SNX18: variants seen among roughly 807,000 people sequenced by gnomAD.
The protein encoded by SNX18 is sorting nexin-18.
In SNX18, 35 loss-of-function variants were observed where a neutral mutation model predicts 48.7. The ratio of observed to expected loss-of-function variants is 0.72; its 90% CI spans 0.55 to 0.95. The LOEUF (loss-of-function observed/expected upper bound fraction) is 0.95, where lower values mean the gene tolerates loss of function less well. Ranked by LOEUF, SNX18 falls within the 40% of genes least tolerant of loss-of-function variation. SNX18 has a pLI of 0.00. For synonymous variants in SNX18, 492 were observed against 384.7 expected (o/e 1.28, Z -3.26); for missense variants, 824 against 871.0 (o/e 0.95, Z 0.68).
chr5:54,565,800 A>T, the SNX18 span, among the ~76,000 whole-genome samples: 1 of 152,138 alleles, frequency 6.6e-6, no homozygotes, highest in African/African-American at 2.4e-5. Context: ...CGAGGGGTAA[A>T]TTTGTACTTT....
At position 54,518,667 on chromosome 5, in the gene SNX18, G is replaced by T. The variant is rs1308248292; in HGVS notation, c.715G>T (p.Gly239Cys). The T allele has an allele frequency of 6.4e-7, 1 of 1,561,004 alleles. No homozygotes were observed. Among genetic ancestry groups the T allele is most frequent in the Non-Finnish European group, 8.7e-7 (1 of 1,154,542 alleles). ...TCGCTTCTCCACCTTCGTCAAGTCCGGCGGGGAGGCCTTCGTGCTGGGGGA... is the reference window on the plus strand; with the variant it reads ...TCGCTTCTCCACCTTCGTCAAGTCCTGCGGGGAGGCCTTCGTGCTGGGGGA... ...LNRFSTFVKS[G>C]GEAFVLGEAS... The change falls in exon 1 of 2, where the codon GGC (glycine) becomes TGC (cysteine). Residue 239 changes from glycine (G) to cysteine (C), a missense_variant. This residue lies in a region of SNX18 where 4 missense variants were observed against 16.8 expected (regional missense o/e 0.24). Coordinates refer to ENST00000381410, the MANE Select transcript of SNX18 (RefSeq NM_001102575.2).
intron 1 of SNX18, among the ~76,000 whole-genome samples, chr5:54,536,361 C>T (rs1315582880): frequency 6.6e-6 from 1 of 151,792 alleles, no homozygotes. Flanking sequence ...CGTATATCTC[C>T]TAATGCTATC....
At chr5:54,574,535 T>C in the SNX18 span, among the ~76,000 whole-genome samples, 10 of 152,156 alleles carry the variant, frequency 6.6e-5, no homozygotes, top group African/African-American at 2.4e-4. Flanking sequence ...GGGGATTCTA[T>C]GCCCAGTTAA....
At chr5:54,577,442 G>A in the SNX18 span, among the ~76,000 whole-genome samples, 20 of 147,000 alleles carry the variant, frequency 1.4e-4, no homozygotes, top group Non-Finnish European at 2.8e-4. Flanking sequence ...ACAAATTAAA[G>A]CCAGGTCAGG....
At chr5:54,633,066 C>T in the SNX18 span, among the ~76,000 whole-genome samples, 14 of 152,012 alleles carry the variant, frequency 9.2e-5, no homozygotes, top group African/African-American at 2.4e-4. Context: ...CCACTGCGCC[C>T]GGCCCAGGGT....
At chr5:54,600,766 G>A in the SNX18 span, among the ~76,000 whole-genome samples, 2 of 152,152 alleles carry the variant, frequency 1.3e-5, no homozygotes, top group Non-Finnish European at 2.9e-5. Context: ...TTATAACTGG[G>A]AGCTGAACAA....
At chr5:54,633,534 T>C in the SNX18 span, among the ~76,000 whole-genome samples, 1 of 152,188 alleles carries the variant, frequency 6.6e-6, no homozygotes, top group East Asian at 1.9e-4. Flanking sequence ...AACAAGCTGA[T>C]ATTAGTAGCT....
chr5:54,626,448 A>C, the SNX18 span, among the ~76,000 whole-genome samples: 1 of 152,182 alleles, frequency 6.6e-6, no homozygotes, highest in Non-Finnish European at 1.5e-5. Context: ...GAGCCACTGC[A>C]CACAGCAAAG....
Position 54,517,918 on chromosome 5 carries a change from CG to C in SNX18, c.-32del. On this transcript the variant is annotated 5_prime_UTR_variant, in exon 1 of 2. Transcript: ENST00000381410. ...TCAGGTGGGCCTCGGCTCGGGACGC[CG>C]GGAGTCGGGACCGCCAGTCGGGGCG... 1 of 1,479,470 alleles carries C rather than the reference CG, an allele frequency of 6.8e-7. No homozygotes were observed. The highest frequency in any genetic ancestry group is 1.9e-4 in the Middle Eastern group (1 of 5,224). 91.6% of individuals were successfully genotyped at this position (1,479,470 alleles called of 1,614,324 possible). A position where few individuals can be genotyped will look rare whatever the true frequency, so the allele number is the denominator to read the frequency against.
the SNX18 span, among the ~76,000 whole-genome samples, chr5:54,586,838 G>A: frequency 0.052 from 7,853 of 152,262 alleles, 267 homozygotes; most frequent in Non-Finnish European, 0.081. Flanking sequence ...GCCAAGGATG[G>A]AAGGAGCCCA....
At chr5:54,609,829 G>A in the SNX18 span, among the ~76,000 whole-genome samples, 3 of 151,528 alleles carry the variant, frequency 2.0e-5, no homozygotes, top group Non-Finnish European at 4.4e-5. Flanking sequence ...GGTGGAGCGT[G>A]GTGGGAGGTG....
the SNX18 span, among the ~76,000 whole-genome samples, chr5:54,616,914 A>T: frequency 6.6e-6 from 1 of 152,206 alleles, no homozygotes; most frequent in African/African-American, 2.4e-5. Flanking sequence ...CTGTGCTGGG[A>T]CAAGCCAATG....
the SNX18 span, among the ~76,000 whole-genome samples, chr5:54,610,630 A>AT: frequency 6.6e-6 from 1 of 152,188 alleles, no homozygotes; most frequent in Non-Finnish European, 1.5e-5. Context: ...GCATAATGTT[A>AT]TTGCTTTGGT....
the SNX18 span, among the ~76,000 whole-genome samples, chr5:54,587,659 C>T: frequency 6.6e-6 from 1 of 152,174 alleles, no homozygotes; most frequent in Admixed American, 6.5e-5. Flanking sequence ...TCAGAGCCTG[C>T]TGCTCTTCTT....
the SNX18 span, among the ~76,000 whole-genome samples, chr5:54,561,794 A>G: frequency 6.6e-6 from 1 of 152,330 alleles, no homozygotes. Context: ...TTGAGAATGA[A>G]CATATGCAGG....
At position 54,529,344 on chromosome 5, in the gene SNX18, C is replaced by T. The variant is rs141777592; in HGVS notation, c.1621+9771C>T. Among the ~76,000 whole-genome samples, 1,064 of 152,228 alleles carry T rather than the reference C, an allele frequency of 7.0e-3. 3 individuals are homozygous for T. Among genetic ancestry groups the T allele is most frequent in the South Asian group, 0.026 (125 of 4,832 alleles). On this transcript the variant is annotated intron_variant, in intron 1 of 1. Coordinates refer to ENST00000381410, the MANE Select transcript of SNX18 (RefSeq NM_001102575.2). ...AGCGGGGTCTGCAGACTACAGCCCA[C>T]GGGCCAGATTCACCCAGGCGCCTGT...
chr5:54,632,435 G>A, the SNX18 span, among the ~76,000 whole-genome samples: 1 of 152,340 alleles, frequency 6.6e-6, no homozygotes, highest in South Asian at 2.1e-4. Context: ...CTTGCAAACA[G>A]AGTCCCAGCT....
At chr5:54,588,306 CTTTTTTTTTTTTTTTT>C in the SNX18 span, among the ~76,000 whole-genome samples, 42 of 73,916 alleles carry the variant, frequency 5.7e-4, 1 homozygote, top group Non-Finnish European at 8.2e-4. Context: ...TATTTCTATT[CTTTTTTTTTTTTTTTT>C]TTTTTTTTTT....
chr5:54,518,850 C>T lies in SNX18; in HGVS notation c.898C>T (p.Leu300=), dbSNP rs777538472. The change falls in exon 1 of 2, where the codon CTG becomes TTG. Residue 300 remains leucine, a synonymous_variant. Coordinates refer to ENST00000381410, the MANE Select transcript of SNX18 (RefSeq NM_001102575.2). ...KGMKSYISYK[L]VPTHTQVPVH... Reference sequence around the variant, plus strand: ...CATGAAGAGCTACATCTCCTACAAGCTGGTGCCCACGCACACGCAGGTGCC... The same window carrying T: ...CATGAAGAGCTACATCTCCTACAAGTTGGTGCCCACGCACACGCAGGTGCC... The T allele has an allele frequency of 7.4e-6, 12 of 1,612,344 alleles. No homozygotes were observed. In the East Asian group the frequency reaches 1.1e-4, roughly 15 times the overall value.
Sources: gnomAD v4.1 joint callset for allele counts (sites outside exome capture counted in the v4.1 genomes callset) on GRCh38, gnomAD v4.1.1 for gene constraint, gnomAD v4.1.1 regional missense constraint, MANE v1.5 for transcripts, NCBI Gene and HGNC (gene_info 2026-07-23, HGNC 2026-07-21) for gene names.